Variants in KCNN1 observed in about 807,000 individuals in gnomAD.
KCNN1 encodes potassium calcium-activated channel subfamily N member 1.
KCNN1 carries 20 observed loss-of-function variants against 44.7 expected under a neutral mutation model. The ratio of observed to expected loss-of-function variants is 0.45; its 90% CI spans 0.32 to 0.65. The LOEUF is 0.65. KCNN1 is among the 30% of genes least tolerant of loss of function. The pLI, the probability that KCNN1 is intolerant of heterozygous loss-of-function variation, is 0.05. For missense variants in KCNN1, 632 were observed against 785.3 expected, an observed-to-expected ratio of 0.80 and a Z score of 2.33; for synonymous variants, 324 against 341.7, an observed-to-expected ratio of 0.95 and a Z score of 0.57.
intron 3 of KCNN1, among the ~76,000 whole-genome samples, chr19:17,976,439 C>T (rs544857717): frequency 1.1e-4 from 16 of 149,304 alleles, no homozygotes; most frequent in African/African-American, 3.7e-4. Context: ...TTTTTTGAGA[C>T]GGAGTTTCAC....
chr19:17,967,130 C>A lies in KCNN1; in HGVS notation c.-269C>A. The A allele has an allele frequency of 2.0e-6, 2 of 976,382 alleles. No individual in the cohort carries two copies. The highest frequency in any genetic ancestry group is 4.7e-5 in the South Asian group (1 of 21,264). The allele number at this position is 976,382 out of a possible 1,614,324, so 60.5% of individuals were successfully genotyped here. A position where few individuals can be genotyped will look rare whatever the true frequency, so the allele number is the denominator to read the frequency against. The stretch of plus-strand genomic sequence containing the variant: ...GCGGGCGCTCGCCCCCCGCCGGGCC[C>A]GTGGACTGGGCGGCGGGGGATGCGC... On this transcript the variant is annotated 5_prime_UTR_variant, in exon 1 of 10. Coordinates refer to ENST00000684775, the MANE Select transcript of KCNN1 (RefSeq NM_001386974.1).
Position 17,953,168 on chromosome 19 carries a change from G to A in KCNN1, c.-202-1393G>A, listed in dbSNP as rs191301151. 9.9e-3 allele frequency among the ~76,000 whole-genome samples: 1,514 copies of A among 152,248 alleles called. 22 individuals carry two copies. Among genetic ancestry groups the A allele is most frequent in the Admixed American group, 0.014 (218 of 15,286 alleles). ...CAGATCTCACCTCCTCTTGTCCCCC[G>A]TGTGCCCCCGCTCCCAGCCTCCTCA... is the stretch of plus-strand genomic sequence containing the variant. On this transcript the variant is annotated intron_variant, in intron 1 of 10. Coordinates refer to the KCNN1 transcript ENST00000222249.
intron 1 of KCNN1, among the ~76,000 whole-genome samples, chr19:17,971,308 G>C (rs996727235): frequency 1.3e-5 from 2 of 152,142 alleles, no homozygotes; most frequent in Non-Finnish European, 2.9e-5. Context: ...CTGGCACATG[G>C]GGGACCCCTA....
In KCNN1 at chr19:17,967,325, G is replaced by C. The variant is rs1440571964; in HGVS notation, c.-82+8G>C. 1 of 984,930 alleles carries C rather than the reference G, an allele frequency of 1.0e-6. No homozygotes were observed. Among genetic ancestry groups the C allele is most frequent in the East Asian group, 1.1e-4 (1 of 8,786 alleles). 61.0% of individuals were successfully genotyped at this position (984,930 alleles called of 1,614,324 possible). On this transcript the variant is annotated splice_region_variant and intron_variant, in intron 1 of 9. Coordinates refer to ENST00000684775, the MANE Select transcript of KCNN1 (RefSeq NM_001386974.1). ...TCGGGCCGAGCCCCGCAGGTACAGG[G>C]TGGGATGGGTGAGGGTGCGGGAGGA...
Position 17,998,144 on chromosome 19 carries a change from T to C in KCNN1, c.1378-8T>C. 1 of 1,579,432 alleles carries C rather than the reference T, an allele frequency of 6.3e-7. No individual in the cohort carries two copies. The highest frequency in any genetic ancestry group is 1.8e-5 in the Admixed American group (1 of 56,524). On this transcript the variant is annotated splice_region_variant and splice_polypyrimidine_tract_variant and intron_variant, in intron 9 of 9. Coordinates refer to ENST00000684775, the MANE Select transcript of KCNN1 (RefSeq NM_001386974.1). The surrounding 1 kb of genome is among the most constrained non-coding windows in gnomAD (Gnocchi z 5.4). The stretch of plus-strand genomic sequence containing the variant: ...CGCCTCTCTCCTGCCCCTCTCTGTC[T>C]CCCGCAGACCCAGACCGTCATGTAC...
At chr19:17,955,136 G>C (rs945271765) in intron 2 of KCNN1, among the ~76,000 whole-genome samples, 1 of 147,420 alleles carries the variant, frequency 6.8e-6, no homozygotes, top group Non-Finnish European at 1.5e-5. Flanking sequence ...CTAGCTACTC[G>C]GAAGGCTAAG....
chr19:17,956,642 A>T (rs148948613), intron 2 of KCNN1, among the ~76,000 whole-genome samples: 169 of 151,760 alleles, frequency 1.1e-3, no homozygotes, highest in African/African-American at 3.6e-3. Flanking sequence ...GCTACTCTGG[A>T]GGCTGAGATG....
chr19:17,974,005 C>T lies in KCNN1; in HGVS notation c.117C>T (p.Ser39=). ...EAGHPPQPPH[S]PGLQVVVAKS... ...GCCACCCCCCACAACCCCCGCACAG[C>T]CCGGGCCTCCAGGTGGTAGTGGCCA... The change falls in exon 2 of 10, where the codon AGC becomes AGT. Residue 39 remains serine, a synonymous_variant. Coordinates refer to ENST00000684775, the MANE Select transcript of KCNN1 (RefSeq NM_001386974.1). This position sits in a 1 kb window ranked among gnomAD's most constrained non-coding sequence, Gnocchi z 7.3. 1 of 1,594,882 alleles carries T rather than the reference C, an allele frequency of 6.3e-7. No individual in the cohort carries two copies. The highest frequency in any genetic ancestry group is 8.5e-7 in the Non-Finnish European group (1 of 1,172,142).
At chr19:17,975,238 C>T in intron 3 of KCNN1, 51 bp downstream of exon 3, 1 of 1,353,146 alleles carries the variant, frequency 7.4e-7, no homozygotes, top group South Asian at 1.2e-5. Flanking sequence ...ACCCCAGATC[C>T]CCCCACACCA....
At position 17,981,780 on chromosome 19, in the gene KCNN1, G is replaced by T. The variant is rs769491596; in HGVS notation, c.570G>T (p.Ser190=). ...AMTCERVFLI[S]LELAVCAIHP... ...CCTGCGAGCGCGTGTTCCTCATCTC[G>T]CTAGAGCTGGCAGTGTGCGCCATTC... is the stretch of plus-strand genomic sequence containing the variant. Residue 190 remains serine, a synonymous_variant, in exon 4 of 10, where the codon TCG becomes TCT. Transcript: ENST00000684775. 1.2e-5 allele frequency: 19 copies of T among 1,612,642 alleles called. No homozygotes were observed. Among genetic ancestry groups the T allele is most frequent in the Admixed American group, 3.3e-5 (2 of 59,966 alleles).
chr19:17,996,306 T>C (rs1432442750), intron 9 of KCNN1, among the ~76,000 whole-genome samples: 2 of 151,660 alleles, frequency 1.3e-5, no homozygotes, highest in Non-Finnish European at 2.9e-5. Flanking sequence ...ACTCTGTCTC[T>C]AAAAAATAAA....
intron 3 of KCNN1, 44 bp downstream of exon 3, chr19:17,975,231 C>T: frequency 8.5e-6 from 12 of 1,414,060 alleles, no homozygotes; most frequent in Non-Finnish European, 1.2e-5. Flanking sequence ...TCCTCAAACC[C>T]CAGATCCCCC....
chr19:17,960,047 C>G (rs2031642368), intron 2 of KCNN1, among the ~76,000 whole-genome samples: 1 of 151,544 alleles, frequency 6.6e-6, no homozygotes, highest in Non-Finnish European at 1.5e-5. Flanking sequence ...TGTGCCACTG[C>G]ACTCCAGCCT....
intron 6 of KCNN1, among the ~76,000 whole-genome samples, chr19:17,989,232 C>T (rs1199764419): frequency 6.6e-6 from 1 of 151,844 alleles, no homozygotes; most frequent in Non-Finnish European, 1.5e-5. Flanking sequence ...CCGAGGCGGG[C>T]GGATCACTTG....
rs1325219058 is a variant in KCNN1, at chr19:17,983,080, A to C, written c.917+953A>C. 6.6e-6 allele frequency among the ~76,000 whole-genome samples: 1 copy of C among 152,056 alleles called. No homozygotes were observed. Among genetic ancestry groups the C allele is most frequent in the Non-Finnish European group, 1.5e-5 (1 of 68,004 alleles). ...AACCGGCCGTGCCTTTGGGACCTCC[A>C]AGCAGGAGGGAGTCTGTTGTAAATA... On this transcript the variant is annotated intron_variant, in intron 4 of 9. Coordinates refer to ENST00000684775, the MANE Select transcript of KCNN1 (RefSeq NM_001386974.1). This position sits in a 1 kb window ranked among gnomAD's most constrained non-coding sequence, Gnocchi z 4.5.
At chr19:17,968,104 G>A (rs1568447967) in intron 1 of KCNN1, among the ~76,000 whole-genome samples, 1 of 149,598 alleles carries the variant, frequency 6.7e-6, no homozygotes, top group Non-Finnish European at 1.5e-5. Context: ...GGGTGGTGGC[G>A]GGAAGGGGGA....
At chr19:17,992,990 G>A (rs1394162979) in intron 7 of KCNN1, 64 bp from the exon 8 acceptor site, 15 of 1,602,642 alleles carry the variant, frequency 9.4e-6, no homozygotes, top group South Asian at 6.7e-5. Flanking sequence ...GGTACATGCC[G>A]AACAACTGTG....
At chr19:17,997,802 C>CT (rs1377824614) in intron 9 of KCNN1, among the ~76,000 whole-genome samples, 1 of 151,684 alleles carries the variant, frequency 6.6e-6, no homozygotes, top group Non-Finnish European at 1.5e-5. Flanking sequence ...TAAGACCTGT[C>CT]TTTTAGGCTG....
chr19:17,952,006 C>T (rs1476375437), intron 1 of KCNN1, among the ~76,000 whole-genome samples: 1 of 152,192 alleles, frequency 6.6e-6, no homozygotes, highest in African/African-American at 2.4e-5. Context: ...TCTCTTTGAC[C>T]GTCTTCTAAG....
Sources: gnomAD v4.1 joint callset for allele counts (sites outside exome capture counted in the v4.1 genomes callset) on GRCh38, gnomAD v4.1.1 for gene constraint, Gnocchi (gnomAD v3.1) non-coding constraint, MANE v1.5 for transcripts, NCBI Gene and HGNC (gene_info 2026-07-23, HGNC 2026-07-21) for gene names.